AK1: variants seen among roughly 807,000 people sequenced by gnomAD.
AK1 encodes adenylate kinase isoenzyme 1.
AK1 carries 13 observed loss-of-function variants against 23.9 expected under a neutral mutation model. The ratio of observed to expected loss-of-function variants is 0.54; its 90% confidence interval spans 0.35 to 0.86. The LOEUF is 0.86. Ranked by LOEUF, AK1 falls within the 40% of genes least tolerant of loss-of-function variation. The pLI, the probability that AK1 is intolerant of heterozygous loss-of-function variation, is 0.01. For missense variants in AK1, 214 were observed against 255.1 expected (o/e 0.84, Z 1.10); for synonymous variants, 97 against 102.8 (o/e 0.94, Z 0.34).
At position 127,875,400 on chromosome 9, in the gene AK1, C is replaced by T. The variant is rs555453526; in HGVS notation, c.-32-751G>A. ...ACAGCCCCCAGGACCTCCCCTACCT[C>T]GCCCCCCTATCTCAGAACTGCCCTC... On this transcript the variant is annotated intron_variant, in intron 1 of 6. Coordinates refer to ENST00000644144, the MANE Select transcript of AK1 (RefSeq NM_000476.3). 2.0e-3 allele frequency among the ~76,000 whole-genome samples: 303 copies of T among 151,298 alleles called. 4 individuals are homozygous for T. Among genetic ancestry groups the T allele is most frequent in the African/African-American group, 7.0e-3 (288 of 41,132 alleles).
intron 3 of AK1, 72 bp downstream of exon 3, chr9:127,872,954 C>T (rs1293955615): frequency 6.2e-6 from 10 of 1,613,078 alleles, no homozygotes; most frequent in Admixed American, 1.7e-5. Flanking sequence ...GCCCAGGGTG[C>T]AGCCCCAGGC....
intron 2 of AK1, 85 bp from the exon 3 acceptor site, chr9:127,873,146 G>A (rs1436562522): frequency 6.4e-7 from 1 of 1,565,262 alleles, no homozygotes; most frequent in African/African-American, 1.4e-5. Flanking sequence ...GCCTGTGCTG[G>A]GCCCCAGGCG....
At chr9:127,872,038 C>A in intron 4 of AK1, 99 bp from the exon 5 acceptor site, 1 of 1,037,330 alleles carries the variant, frequency 9.6e-7, no homozygotes, top group Non-Finnish European at 1.5e-6. Flanking sequence ...AATGCCCTCT[C>A]CCCAACACAA....
chr9:127,870,439 T>C (rs1829366524), intron 5 of AK1, among the ~76,000 whole-genome samples: 1 of 152,194 alleles, frequency 6.6e-6, no homozygotes, highest in Non-Finnish European at 1.5e-5. Flanking sequence ...CCTCAAGTGA[T>C]CTGCCCTCTT....
Position 127,868,218 on chromosome 9 carries a change from A to C in AK1, c.516+103T>G. ...CCTCATTGAACCAGTGGGGAAACCA[A>C]GGCCCAGAGAGAGGGGCTGGCCTGA... On this transcript the variant is annotated intron_variant, in intron 6 of 6. Coordinates refer to ENST00000644144, the MANE Select transcript of AK1 (RefSeq NM_000476.3). The surrounding 1 kb of genome is among the most constrained non-coding windows in gnomAD (Gnocchi z 4.1). 6.9e-7 allele frequency: 1 copy of C among 1,450,714 alleles called. No homozygotes were observed. The highest frequency in any genetic ancestry group is 9.5e-7 in the Non-Finnish European group (1 of 1,055,318). The allele number at this position is 1,450,714 out of a possible 1,614,324, so 89.9% of individuals were successfully genotyped here.
In AK1 at chr9:127,877,263, G is replaced by A. The variant is rs954297274; in HGVS notation, c.-33+360C>T. Among the ~76,000 whole-genome samples, 1 of 152,044 alleles carries A rather than the reference G, an allele frequency of 6.6e-6. No homozygotes were observed. The highest frequency in any genetic ancestry group is 1.5e-5 in the Non-Finnish European group (1 of 67,972). On this transcript the variant is annotated intron_variant, in intron 1 of 6. Transcript: ENST00000644144. This position sits in a 1 kb window ranked among gnomAD's most constrained non-coding sequence, Gnocchi z 5.2. ...CCCCTGTCCAGGTCCTCTGGGGCAG[G>A]GAGCCAGGCCACAGCTCTCCCTCTC...
chr9:127,873,323 A>G, intron 2 of AK1: 1 of 1,538,656 alleles, frequency 6.5e-7, no homozygotes, highest in East Asian at 2.4e-5. Flanking sequence ...TACTCTCCAC[A>G]CAGCCAGCGG....
At chr9:127,873,761 A>T in intron 2 of AK1, 7 of 985,420 alleles carry the variant, frequency 7.1e-6, no homozygotes, top group Non-Finnish European at 8.4e-6. Context: ...CCAAAACCAG[A>T]ACCCAAGCTC....
At chr9:127,878,101 CT>C (rs1448663647), upstream of AK1, among the ~76,000 whole-genome samples, 1 of 152,234 alleles carries the variant, frequency 6.6e-6, no homozygotes, top group African/African-American at 2.4e-5. Context: ...GAGGCATCGA[CT>C]CAGGGGCTTT....
intron 1 of AK1, among the ~76,000 whole-genome samples, chr9:127,875,191 A>G (rs550761353): frequency 1.4e-4 from 21 of 152,146 alleles, no homozygotes; most frequent in Admixed American, 1.3e-4. Context: ...CGCTCGCATG[A>G]ACACAGCCCT....
In AK1 at chr9:127,875,547, G is replaced by A. The variant is rs569481215; in HGVS notation, c.-32-898C>T. ...TCCAGCCAGCGACCCCACCCGCACCGGGACCTCCACCCAAGGCACCCACAC... is the reference window on the plus strand; with the variant it reads ...TCCAGCCAGCGACCCCACCCGCACCAGGACCTCCACCCAAGGCACCCACAC... On this transcript the variant is annotated intron_variant, in intron 1 of 6. Transcript: ENST00000644144. Among the ~76,000 whole-genome samples the A allele has an allele frequency of 8.6e-4, 130 of 150,848 alleles. 1 individual carries two copies. In the South Asian group the frequency reaches 0.019, roughly 22 times the overall value.
chr9:127,874,937 A>C, intron 1 of AK1: 1 of 432,766 alleles, frequency 2.3e-6, no homozygotes, highest in East Asian at 4.5e-5. Context: ...AGGGGCTGGG[A>C]CAGTGAGGAT....
At position 127,875,151 on chromosome 9, in the gene AK1, G is replaced by A. The variant is rs1476252111; in HGVS notation, c.-32-502C>T. 8.9e-5 allele frequency: 18 copies of A among 202,580 alleles called. No homozygotes were observed. The East Asian group carries it at 2.1e-3, about 23-fold the overall frequency. The allele number at this position is 202,580 out of a possible 1,614,324, so 12.5% of individuals were successfully genotyped here. On this transcript the variant is annotated intron_variant, in intron 1 of 6. Transcript: ENST00000644144. ...TTGGATGGGGATCCTCTAAGGGACA[G>A]AGGCCTGGGGTGAAGGAATCTACAG...
intron 2 of AK1, chr9:127,874,005 G>A (rs549400800): frequency 4.3e-5 from 42 of 985,416 alleles, no homozygotes; most frequent in Middle Eastern, 1.0e-3. Context: ...TGCAGTGGCC[G>A]CAGCCCTATG....
chr9:127,874,739 G>A, intron 1 of AK1, 90 bp from the exon 2 acceptor site: 2 of 1,301,660 alleles, frequency 1.5e-6, no homozygotes, highest in Non-Finnish European at 2.2e-6. Flanking sequence ...ACTGGTGTGT[G>A]CCAGGCCCGA....
At chr9:127,872,048 A>C in intron 4 of AK1, 109 bp from the exon 5 acceptor site, 2 of 941,286 alleles carry the variant, frequency 2.1e-6, no homozygotes, top group African/African-American at 1.6e-5. Context: ...CCCCAACACA[A>C]ATGTCCCAAA....
In AK1 at chr9:127,868,663, C is replaced by A; in HGVS notation, c.325-151G>T. On this transcript the variant is annotated intron_variant, in intron 5 of 6. Coordinates refer to ENST00000644144, the MANE Select transcript of AK1 (RefSeq NM_000476.3). This position sits in a 1 kb window ranked among gnomAD's most constrained non-coding sequence, Gnocchi z 4.1. ...CCTGAAAGACCTTCCTAAAACCAAT[C>A]TTTCCTGCCACTCCCCTGCTCAAAC... The A allele has an allele frequency of 1.2e-6, 1 of 864,550 alleles. No homozygotes were observed. The highest frequency in any genetic ancestry group is 1.6e-5 in the South Asian group (1 of 63,388). The allele number at this position is 864,550 out of a possible 1,614,324, so 53.6% of individuals were successfully genotyped here.
rs1829563214 is a variant in AK1 at position 127,877,306 on chromosome 9, A to G, written c.-33+317T>C. Among the ~76,000 whole-genome samples, 1 of 152,032 alleles carries G rather than the reference A, an allele frequency of 6.6e-6. No individual in the cohort carries two copies. The highest frequency in any genetic ancestry group is 1.5e-5 in the Non-Finnish European group (1 of 67,978). On this transcript the variant is annotated intron_variant, in intron 1 of 6. Transcript: ENST00000644144. This position sits in a 1 kb window ranked among gnomAD's most constrained non-coding sequence, Gnocchi z 5.2. ...TCCCTCTCTGGGCCCAAGCTGGGACATGCCAAGGGCAGTGACCTGGAGCCC... is the reference window on the plus strand; with the variant it reads ...TCCCTCTCTGGGCCCAAGCTGGGACGTGCCAAGGGCAGTGACCTGGAGCCC...
chr9:127,875,981 G>A (rs781658809), intron 1 of AK1, among the ~76,000 whole-genome samples: 1 of 152,174 alleles, frequency 6.6e-6, no homozygotes, highest in Non-Finnish European at 1.5e-5. Flanking sequence ...TCACACACCC[G>A]CTTACAACCT....
Sources: gnomAD v4.1 joint callset for allele counts (sites outside exome capture counted in the v4.1 genomes callset) on GRCh38, gnomAD v4.1.1 for gene constraint, Gnocchi (gnomAD v3.1) non-coding constraint, MANE v1.5 for transcripts, NCBI Gene and HGNC (gene_info 2026-07-23, HGNC 2026-07-21) for gene names.